The following KDM4A variants were observed in gnomAD, a reference collection of about 807,000 sequenced individuals.
The protein encoded by KDM4A is lysine demethylase 4A.
Under a neutral mutation model 127.1 loss-of-function variants are expected in KDM4A, and 23 were observed. The observed-to-expected ratio is 0.18, with a 90% CI of 0.13 to 0.26. The LOEUF (loss-of-function observed/expected upper bound fraction) is 0.26. Ranked by LOEUF, KDM4A falls within the 10% of genes least tolerant of loss-of-function variation. The probability of loss-of-function intolerance (pLI) is 1.00; values close to 1 mark genes in which losing one functional copy is unlikely to be tolerated. For missense variants in KDM4A, 890 were observed against 1,329.1 expected (o/e 0.67, Z 5.14); for synonymous variants, 443 against 466.5 (o/e 0.95, Z 0.65).
chr1:43,668,704 G>A (rs1461000444), intron 9 of KDM4A, among the ~76,000 whole-genome samples: 3 of 152,220 alleles, frequency 2.0e-5, no homozygotes, highest in Non-Finnish European at 2.9e-5. Context: ...CATTGGTAAT[G>A]TCGTGATTTA....
chr1:43,663,690 T>C (rs1203294105), intron 5 of KDM4A, among the ~76,000 whole-genome samples: 1 of 152,014 alleles, frequency 6.6e-6, no homozygotes, highest in East Asian at 1.9e-4. Context: ...GTGGCACCAT[T>C]ATGGCTCACT....
chr1:43,668,169 AG>A, intron 9 of KDM4A, 150 bp downstream of exon 9: 5 of 1,079,998 alleles, frequency 4.6e-6, no homozygotes, highest in Non-Finnish European at 6.7e-6. Flanking sequence ...TCTGTCGCCC[AG>A]GCTGGAGTGC....
intron 4 of KDM4A, among the ~76,000 whole-genome samples, chr1:43,661,533 C>T (rs1014688581): frequency 1.6e-5 from 2 of 127,462 alleles, no homozygotes; most frequent in South Asian, 5.5e-4. Context: ...GTGAACCCGG[C>T]GGGAGGCAGA....
chr1:43,680,237 G>T (rs540337330), intron 11 of KDM4A, among the ~76,000 whole-genome samples: 1 of 152,272 alleles, frequency 6.6e-6, no homozygotes, highest in South Asian at 2.1e-4. Flanking sequence ...TCAGACTTCG[G>T]ACTTGGACAC....
Position 43,653,119 on chromosome 1 carries a change from C to G in KDM4A, c.-39-18C>G. 2 of 1,403,660 alleles carry G rather than the reference C, an allele frequency of 1.4e-6. No homozygotes were observed. The highest frequency in any genetic ancestry group is 2.0e-6 in the Non-Finnish European group (2 of 1,021,916). The allele number at this position is 1,403,660 out of a possible 1,614,324, so 87.0% of individuals were successfully genotyped here. On this transcript the variant is annotated intron_variant, in intron 1 of 21. Coordinates refer to ENST00000372396, the MANE Select transcript of KDM4A (RefSeq NM_014663.3). Reference sequence around the variant, plus strand: ...TTTAATTTTTATATTATTTTATACTCTTAATGTGTTTCTTCAGATTCCTGT... The same window carrying G: ...TTTAATTTTTATATTATTTTATACTGTTAATGTGTTTCTTCAGATTCCTGT...
At chr1:43,697,179 A>G (rs974806073) in intron 18 of KDM4A, among the ~76,000 whole-genome samples, 1 of 152,258 alleles carries the variant, frequency 6.6e-6, no homozygotes, top group Non-Finnish European at 1.5e-5. Flanking sequence ...ACACTCATTC[A>G]GGGAACAGCA....
intron 20 of KDM4A, 61 bp from the exon 21 acceptor site, chr1:43,703,959 A>C (rs1661476430): frequency 8.9e-6 from 13 of 1,460,302 alleles, no homozygotes; most frequent in Non-Finnish European, 1.2e-5. Flanking sequence ...GCCACTGTGC[A>C]TGGTGGACCA....
chr1:43,697,390 G>A (rs1661266342), intron 18 of KDM4A, among the ~76,000 whole-genome samples: 1 of 152,212 alleles, frequency 6.6e-6, no homozygotes, highest in African/African-American at 2.4e-5. Context: ...GGAGACATCT[G>A]GGAAACCTAA....
chr1:43,658,814 T>C (rs1660307399), intron 3 of KDM4A, among the ~76,000 whole-genome samples: 1 of 152,016 alleles, frequency 6.6e-6, no homozygotes, highest in East Asian at 1.9e-4. Flanking sequence ...CTCTGCTAAT[T>C]TTTAAAGTTT....
rs1022386511 is a variant in KDM4A at position 43,704,769 on chromosome 1, A to G, written c.*399A>G. Reference sequence around the variant, plus strand: ...CCCCAACCCCTACTTTTGTATTTATATGTGTGTGTGTGTGTGCGTGCGTGC... The same window carrying G: ...CCCCAACCCCTACTTTTGTATTTATGTGTGTGTGTGTGTGTGCGTGCGTGC... On this transcript the variant is annotated 3_prime_UTR_variant, in exon 22 of 22. Coordinates refer to ENST00000372396, the MANE Select transcript of KDM4A (RefSeq NM_014663.3). The G allele has an allele frequency of 3.1e-5, 7 of 226,948 alleles. No individual in the cohort carries two copies. The highest frequency in any genetic ancestry group is 5.3e-5 in the Admixed American group (1 of 18,990). The allele number at this position is 226,948 out of a possible 1,614,324, so 14.1% of individuals were successfully genotyped here.
rs61227607 is a variant in KDM4A at position 43,674,244 on chromosome 1, C to T, written c.1734+2369C>T. On this transcript the variant is annotated intron_variant, in intron 11 of 21. Coordinates refer to ENST00000372396, the MANE Select transcript of KDM4A (RefSeq NM_014663.3). The stretch of plus-strand genomic sequence containing the variant: ...AGGTGTGAGCCACTGTGTGCCCCAC[C>T]GCCCCCCAGCTGTTAAATACTTTAT... Among the ~76,000 whole-genome samples, 1,379 of 152,182 alleles carry T rather than the reference C, an allele frequency of 9.1e-3. 20 individuals carry two copies. Among genetic ancestry groups the T allele is most frequent in the African/African-American group, 0.032 (1,312 of 41,534 alleles).
In KDM4A at chr1:43,651,423, G is replaced by T. The variant is rs1292315019; in HGVS notation, c.-40+1171G>T. 6.6e-5 allele frequency among the ~76,000 whole-genome samples: 10 copies of T among 152,298 alleles called. No homozygotes were observed. In the South Asian group the frequency reaches 1.9e-3, roughly 28 times the overall value. ...AGTTTCTGCCAGGTTCATGAAAAGC[G>T]CCTGTTTAGAAACACGCCTTATTTT... On this transcript the variant is annotated intron_variant, in intron 1 of 21. Coordinates refer to ENST00000372396, the MANE Select transcript of KDM4A (RefSeq NM_014663.3).
At chr1:43,683,533 G>T in intron 11 of KDM4A, 151 bp from the exon 12 acceptor site, 1 of 894,444 alleles carries the variant, frequency 1.1e-6, no homozygotes, top group Non-Finnish European at 1.7e-6. Flanking sequence ...TTGTCATTTG[G>T]CTTTTTCTAA....
intron 15 of KDM4A, 79 bp from the exon 16 acceptor site, chr1:43,692,177 A>C: frequency 1.5e-6 from 2 of 1,299,410 alleles, no homozygotes; most frequent in South Asian, 1.2e-5. Flanking sequence ...GAGTTGCCCA[A>C]AGCAGGTCCA....
chr1:43,662,759 G>A (rs1319714184), intron 4 of KDM4A, 135 bp from the exon 5 acceptor site: 6 of 709,126 alleles, frequency 8.5e-6, no homozygotes, highest in East Asian at 2.7e-5. Context: ...TGGTCTTCAC[G>A]TCCATAGTGT....
Position 43,704,529 on chromosome 1 carries a change from A to G in KDM4A, c.*159A>G. On this transcript the variant is annotated 3_prime_UTR_variant, in exon 22 of 22. Coordinates refer to ENST00000372396, the MANE Select transcript of KDM4A (RefSeq NM_014663.3). ...TCATCTTCTCACCCACCCTCATTGC[A>G]TTCCGCTGTAGTGAAAGGACGAGCC... The G allele has an allele frequency of 1.3e-6, 1 of 779,982 alleles. No individual in the cohort carries two copies. Among genetic ancestry groups the G allele is most frequent in the Non-Finnish European group, 2.0e-6 (1 of 494,858 alleles). The allele number at this position is 779,982 out of a possible 1,614,324, so 48.3% of individuals were successfully genotyped here.
chr1:43,683,906 G>A (rs1037141287), intron 12 of KDM4A, 102 bp downstream of exon 12: 1 of 1,306,966 alleles, frequency 7.7e-7, no homozygotes, highest in African/African-American at 1.5e-5. Flanking sequence ...GGGTGGGCCT[G>A]TGGCTTAGCT....
intron 2 of KDM4A, among the ~76,000 whole-genome samples, chr1:43,654,089 A>ACGACCACATCCTCTTTCTTATCT: frequency 6.6e-6 from 1 of 152,210 alleles, no homozygotes; most frequent in Non-Finnish European, 1.5e-5. Context: ...GAGACTTGAG[A>ACGACCACATCCTCTTTCTTATCT]CGACCACATC....
In KDM4A at chr1:43,697,831, G is replaced by C. The variant is rs1332338783; in HGVS notation, c.2671-12G>C. The C allele has an allele frequency of 1.2e-6, 2 of 1,609,710 alleles. No homozygotes were observed. Among genetic ancestry groups the C allele is most frequent in the Non-Finnish European group, 1.7e-6 (2 of 1,178,084 alleles). ...CCACGTGTGAGTAACCAAAGCCTCT[G>C]TTTTTTTCCAGCGTGCCAAGGGGGC... On this transcript the variant is annotated splice_polypyrimidine_tract_variant and intron_variant, in intron 18 of 21. Coordinates refer to ENST00000372396, the MANE Select transcript of KDM4A (RefSeq NM_014663.3).
Sources: allele counts gnomAD v4.1 joint callset (sites outside exome capture counted in the v4.1 genomes callset), GRCh38; gene constraint gnomAD v4.1.1; transcripts MANE v1.5; gene names NCBI Gene and HGNC (gene_info 2026-07-23, HGNC 2026-07-21).